The following GCC2 variants were observed in gnomAD, a reference collection of about 807,000 sequenced individuals.
GCC2 encodes GRIP and coiled-coil domain containing 2.
Under a neutral mutation model 210.6 loss-of-function variants are expected in GCC2, and 120 were observed. The ratio of observed to expected loss-of-function variants is 0.57; its 90% CI spans 0.49 to 0.66. The LOEUF (loss-of-function observed/expected upper bound fraction) is 0.66. Ranked by LOEUF, GCC2 falls within the 30% of genes least tolerant of loss-of-function variation. The pLI, the probability that GCC2 is intolerant of heterozygous loss-of-function variation, is 0.00. For synonymous variants in GCC2, 703 were observed against 652.7 expected (o/e 1.08, Z -1.17); for missense variants, 1,868 against 1,871.9 (o/e 1.00, Z 0.04).
At chr2:108,469,358 A>C in intron 5 of GCC2, 1 of 429,582 alleles carries the variant, frequency 2.3e-6, no homozygotes, top group East Asian at 3.7e-5. Flanking sequence ...CACATGACTA[A>C]ATACCATTAT....
In GCC2 at chr2:108,487,687, T is replaced by C. The variant is rs530126946; in HGVS notation, c.3931-12T>C. On this transcript the variant is annotated splice_polypyrimidine_tract_variant and intron_variant, in intron 16 of 22. Transcript: ENST00000309863. The stretch of plus-strand genomic sequence containing the variant: ...ACAGTAGAAAAACGTTTCTCTCTTT[T>C]AAATGTTATAGGCAGAACAAGCTAC... 9.4e-6 allele frequency: 15 copies of C among 1,597,586 alleles called. No individual in the cohort carries two copies. In the African/African-American group the frequency reaches 2.0e-4, roughly 22 times the overall value.
At chr2:108,493,982 T>C (rs1350318145) in intron 19 of GCC2, 9 of 927,042 alleles carry the variant, frequency 9.7e-6, no homozygotes, top group Non-Finnish European at 1.2e-5. Context: ...TTCTGGTTTC[T>C]AACTCAGTTA....
intron 20 of GCC2, 142 bp from the exon 21 acceptor site, chr2:108,496,828 T>C (rs1438684969): frequency 6.3e-6 from 7 of 1,113,142 alleles, no homozygotes. Flanking sequence ...TTGATTGAGG[T>C]ATGCCGAATA....
chr2:108,482,166 T>C (rs1681894750), intron 10 of GCC2, 121 bp from the exon 11 acceptor site: 3 of 639,928 alleles, frequency 4.7e-6, no homozygotes, highest in Admixed American at 2.9e-5. Flanking sequence ...TTCTGTAGCA[T>C]GGACTTGGAA....
chr2:108,473,778 T>C (rs1398962369), intron 7 of GCC2, among the ~76,000 whole-genome samples: 1 of 152,050 alleles, frequency 6.6e-6, no homozygotes, highest in East Asian at 1.9e-4. Flanking sequence ...CAAGTAAAGA[T>C]GTTAGAATGC....
At chr2:108,475,147 T>TA (rs1199654539) in intron 7 of GCC2, 1 of 156,760 alleles carries the variant, frequency 6.4e-6, no homozygotes, top group Non-Finnish European at 1.4e-5. Flanking sequence ...GGAGTGCACT[T>TA]ATGGAGCATA....
chr2:108,484,892 T>G (rs1348005769), intron 13 of GCC2, among the ~76,000 whole-genome samples: 2 of 151,698 alleles, frequency 1.3e-5, no homozygotes, highest in Non-Finnish European at 2.9e-5. Context: ...TGCGGCATTA[T>G]TCACAATAGC....
In GCC2 at chr2:108,470,164, A is replaced by G. The variant is rs1310228623; in HGVS notation, c.835A>G (p.Asn279Asp). The change falls in exon 6 of 23, where the codon AAC becomes GAC. Residue 279 changes from asparagine (N) to aspartate (D), a missense_variant. Coordinates refer to ENST00000309863, the MANE Select transcript of GCC2 (RefSeq NM_181453.4). ...AAATAAGTTGAACGAGCTAAAAGAG[A>G]ACTTAGTAAAACAATGTGAGGCAAG... ...EINKLNELKE[N>D]LVKQCEASEK... 7.4e-6 allele frequency: 12 copies of G among 1,613,624 alleles called. No individual in the cohort carries two copies. The highest frequency in any genetic ancestry group is 1.0e-5 in the Non-Finnish European group (12 of 1,179,838).
At chr2:108,458,374 C>CTTTTTTTTTTTTTTTTTT (rs70956257) in intron 4 of GCC2, among the ~76,000 whole-genome samples, 14 of 100,312 alleles carry the variant, frequency 1.4e-4, no homozygotes, top group African/African-American at 3.1e-4. Context: ...TTGTTGCTTT[C>CTTTTTTTTTTTTTTTTTT]TTTTTTTTTT....
In GCC2 at chr2:108,489,127, G is replaced by GT. The variant is rs531427175; in HGVS notation, c.4053-705dup. Among the ~76,000 whole-genome samples the GT allele has an allele frequency of 7.9e-5, 12 of 152,290 alleles. No homozygotes were observed. The South Asian group carries it at 1.9e-3, about 24-fold the overall frequency. On this transcript the variant is annotated intron_variant, in intron 17 of 22. Transcript: ENST00000309863. ...AGGATTTTAACTATCTCCACCTAGT[G>GT]TTTTTTCCAAGTCTAAAAAGACCTG...
At chr2:108,462,469 G>A (rs1354832559) in intron 4 of GCC2, 3 of 147,580 alleles carry the variant, frequency 2.0e-5, no homozygotes, top group Admixed American at 6.7e-5. Context: ...ACTCCAGCCT[G>A]GGGGGCAGAG....
intron 4 of GCC2, among the ~76,000 whole-genome samples, chr2:108,461,600 G>C (rs993796862): frequency 6.6e-6 from 1 of 151,974 alleles, no homozygotes; most frequent in African/African-American, 2.4e-5. Context: ...CCACCTCCCG[G>C]GTTCAAGTGA....
intron 2 of GCC2, 75 bp downstream of exon 2, chr2:108,449,764 AG>A (rs200794254): frequency 1.0e-4 from 113 of 1,087,480 alleles, no homozygotes; most frequent in Non-Finnish European, 1.2e-4. Context: ...GGCATGGGGA[AG>A]GGGGGGGCGC....
chr2:108,492,502 C>A, intron 18 of GCC2, 71 bp from the exon 19 acceptor site: 2 of 948,214 alleles, frequency 2.1e-6, no homozygotes, highest in Non-Finnish European at 3.4e-6. Flanking sequence ...TCTTGCAGAA[C>A]CCAGTTGAGA....
At position 108,508,367 on chromosome 2, in the gene GCC2, T is replaced by C. The variant is rs1259044198; in HGVS notation, c.*737T>C. 1 of 140,368 alleles carries C rather than the reference T, an allele frequency of 7.1e-6. No individual in the cohort carries two copies. The highest frequency in any genetic ancestry group is 1.5e-5 in the Non-Finnish European group (1 of 65,330). 8.7% of individuals were successfully genotyped at this position (140,368 alleles called of 1,614,324 possible). ...TAGTTATTTGCTTTAAAATAAACTC[T>C]TCTTTTTTTCTTTAAAGTATACTAT... On this transcript the variant is annotated 3_prime_UTR_variant, in exon 23 of 23. Transcript: ENST00000309863.
intron 21 of GCC2, among the ~76,000 whole-genome samples, chr2:108,498,227 G>C (rs577503199): frequency 9.9e-6 from 1 of 100,646 alleles, no homozygotes; most frequent in Non-Finnish European, 1.8e-5. Context: ...ATAGAGTCTC[G>C]CTCTGTCTCC....
chr2:108,462,050 G>A (rs1680617516), intron 4 of GCC2, among the ~76,000 whole-genome samples: 1 of 145,386 alleles, frequency 6.9e-6, no homozygotes, highest in South Asian at 2.2e-4. Context: ...TGTTAGCCAG[G>A]ATGGTCTTGA....
chr2:108,486,833 TCA>T (rs1383815475), intron 16 of GCC2, among the ~76,000 whole-genome samples, 185 bp downstream of exon 16: 1 of 152,246 alleles, frequency 6.6e-6, no homozygotes, highest in Non-Finnish European at 1.5e-5. Context: ...GTAAGTTGGA[TCA>T]CTTTTTTTGC....
chr2:108,504,549 G>C (rs927268998), intron 22 of GCC2, among the ~76,000 whole-genome samples: 1 of 152,126 alleles, frequency 6.6e-6, no homozygotes, highest in Non-Finnish European at 1.5e-5. Flanking sequence ...GGTAAGTATA[G>C]ATTGCTCCTC....
Sources: allele counts gnomAD v4.1 joint callset (sites outside exome capture counted in the v4.1 genomes callset), GRCh38; gene constraint gnomAD v4.1.1; transcripts MANE v1.5; gene names NCBI Gene and HGNC (gene_info 2026-07-23, HGNC 2026-07-21).